The following PTPN13 variants were observed in gnomAD, a reference collection of about 807,000 sequenced individuals.
PTPN13 encodes protein tyrosine phosphatase non-receptor type 13, also known as tyrosine-protein phosphatase non-receptor type 13.
Under a neutral mutation model 284.0 loss-of-function variants are expected in PTPN13, and 191 were observed. The ratio of observed to expected loss-of-function variants is 0.67; its 90% confidence interval spans 0.60 to 0.76. The LOEUF (loss-of-function observed/expected upper bound fraction) is 0.76. PTPN13 is among the 30% of genes least tolerant of loss of function. The pLI is 0.00. For synonymous variants in PTPN13, 986 were observed against 1,022.3 expected (o/e 0.96, Z 0.68); for missense variants, 2,797 against 2,939.9 (o/e 0.95, Z 1.12).
chr4:86,742,349 GT>G (rs1736257223), intron 16 of PTPN13, among the ~76,000 whole-genome samples: 1 of 152,170 alleles, frequency 6.6e-6, no homozygotes, highest in African/African-American at 2.4e-5. Flanking sequence ...AAAATAATAT[GT>G]TTATGGAAGA....
chr4:86,761,901 T>C (rs1280923881), intron 23 of PTPN13, among the ~76,000 whole-genome samples: 1 of 152,230 alleles, frequency 6.6e-6, no homozygotes, highest in South Asian at 2.1e-4. Flanking sequence ...TAATTTCATA[T>C]AAATTCTCAT....
In PTPN13 at chr4:86,809,954, G is replaced by T. The variant is rs1745051747; in HGVS notation, c.7269G>T (p.Val2423=). The part of the protein sequence containing the change: ...GRSGTLICID[V]VLGLISQDLD... ...CAGGGACCCTGATTTGCATAGATGT[G>T]GTTCTGGGATTAATCAGTCAGGATC... Residue 2423 remains valine (V), a synonymous_variant, in exon 46 of 48, where the codon GTG becomes GTT. Coordinates refer to ENST00000411767, the MANE Select transcript of PTPN13 (RefSeq NM_080683.3). 1 of 1,613,938 alleles carries T rather than the reference G, an allele frequency of 6.2e-7. No individual in the cohort carries two copies. The highest frequency in any genetic ancestry group is 8.5e-7 in the Non-Finnish European group (1 of 1,179,866).
intron 4 of PTPN13, 96 bp downstream of exon 4, chr4:86,686,871 C>T: frequency 1.2e-6 from 1 of 845,834 alleles, no homozygotes; most frequent in South Asian, 1.6e-5. Flanking sequence ...TGTTCTACAG[C>T]ATGCTGTCAG....
At chr4:86,711,127 G>T (rs1343440082) in intron 7 of PTPN13, among the ~76,000 whole-genome samples, 1 of 91,618 alleles carries the variant, frequency 1.1e-5, no homozygotes, top group Non-Finnish European at 2.5e-5. Flanking sequence ...TGGAGAGATG[G>T]GGTTTCACCA....
At position 86,596,494 on chromosome 4, in the gene PTPN13, TTTG is replaced by T. The variant is rs140941765; in HGVS notation, c.-6+1714_-6+1716del. On this transcript the variant is annotated intron_variant, in intron 1 of 47. Transcript: ENST00000411767. ...CACGTTATAAAACTTAGGTCATCTT[TTTG>T]TTGTTGTTTTTGAGGGCTGCCTCCT... 1.7e-3 allele frequency among the ~76,000 whole-genome samples: 262 copies of T among 152,314 alleles called. 4 individuals carry two copies. The East Asian group carries it at 0.037, about 21-fold the overall frequency.
intron 35 of PTPN13, 107 bp from the exon 36 acceptor site, chr4:86,780,295 G>A (rs1351300672): frequency 2.3e-6 from 2 of 867,176 alleles, no homozygotes; most frequent in African/African-American, 3.4e-5. Flanking sequence ...AGCTCCTTGG[G>A]AGGCTGAGGT....
At chr4:86,809,698 A>G (rs1270816650) in intron 45 of PTPN13, 71 bp from the exon 46 acceptor site, 1 of 1,411,648 alleles carries the variant, frequency 7.1e-7, no homozygotes, top group African/African-American at 1.4e-5. Flanking sequence ...CTCAAGAAAG[A>G]AAAAAAAGAA....
In PTPN13 at chr4:86,669,052, G is replaced by A. The variant is rs573378626; in HGVS notation, c.116-3313G>A. ...TGACCCACATGCCTTTGCTTTGGCCGTTTCTTCTTTTTTGAATCCTAACCT... is the reference window on the plus strand; with the variant it reads ...TGACCCACATGCCTTTGCTTTGGCCATTTCTTCTTTTTTGAATCCTAACCT... On this transcript the variant is annotated intron_variant, in intron 2 of 47. Transcript: ENST00000411767. Among the ~76,000 whole-genome samples the A allele has an allele frequency of 3.0e-4, 45 of 151,436 alleles. 1 individual carries two copies. In the East Asian group the frequency reaches 7.4e-3, roughly 25 times the overall value.
intron 41 of PTPN13, among the ~76,000 whole-genome samples, chr4:86,797,921 G>A (rs933702103): frequency 5.3e-5 from 8 of 151,956 alleles, no homozygotes; most frequent in Non-Finnish European, 8.8e-5. Context: ...AAAAAATAGA[G>A]TTAAAAGATA....
rs367999169 is a variant in PTPN13 at position 86,669,751 on chromosome 4, G to A, written c.116-2614G>A. Among the ~76,000 whole-genome samples, 10 of 152,072 alleles carry A rather than the reference G, an allele frequency of 6.6e-5. No homozygotes were observed. The East Asian group carries it at 1.7e-3, about 26-fold the overall frequency. On this transcript the variant is annotated intron_variant, in intron 2 of 47. Transcript: ENST00000411767. ...ATCCACAGTGACAGGACAGGGACAG[G>A]GCATAGCATTTAGGCTTCTAGGTGG...
At chr4:86,800,097 CA>C (rs988727708) in intron 42 of PTPN13, among the ~76,000 whole-genome samples, 15 of 152,022 alleles carry the variant, frequency 9.9e-5, no homozygotes, top group African/African-American at 3.4e-4. Flanking sequence ...CTCGGCCTCC[CA>C]AAGTGCTGGG....
intron 14 of PTPN13, 31 bp from the exon 15 acceptor site, chr4:86,735,563 C>A: frequency 1.3e-6 from 2 of 1,598,272 alleles, no homozygotes; most frequent in Non-Finnish European, 1.7e-6. Context: ...AAAAGGCAAA[C>A]AATTGCTTAT....
chr4:86,636,734 C>T (rs1293063820), intron 2 of PTPN13, among the ~76,000 whole-genome samples: 2 of 151,652 alleles, frequency 1.3e-5, no homozygotes, highest in Non-Finnish European at 2.9e-5. Flanking sequence ...AGGAAAGATC[C>T]AAAATTGACA....
At chr4:86,765,241 T>A (rs1242734323) in intron 25 of PTPN13, among the ~76,000 whole-genome samples, 154 bp from the exon 26 acceptor site, 1 of 152,220 alleles carries the variant, frequency 6.6e-6, no homozygotes, top group African/African-American at 2.4e-5. Context: ...GAATATAATA[T>A]CCCTCATTAG....
At chr4:86,756,612 T>A (rs1040622712) in intron 20 of PTPN13, among the ~76,000 whole-genome samples, 1 of 152,118 alleles carries the variant, frequency 6.6e-6, no homozygotes, top group Admixed American at 6.6e-5. Flanking sequence ...CAAAACAGTA[T>A]TGAGATACAA....
chr4:86,601,382 A>G (rs1212942918), intron 1 of PTPN13, among the ~76,000 whole-genome samples: 1 of 152,118 alleles, frequency 6.6e-6, no homozygotes, highest in Non-Finnish European at 1.5e-5. Flanking sequence ...GTGTTATTAC[A>G]TAGTACCCAG....
At chr4:86,758,537 A>G (rs1394236321) in intron 21 of PTPN13, 141 bp from the exon 22 acceptor site, 1 of 932,980 alleles carries the variant, frequency 1.1e-6, no homozygotes, top group Admixed American at 2.7e-5. Flanking sequence ...CCTACAAGAA[A>G]TACTTCCACA....
chr4:86,724,440 G>T (rs1046376877), intron 10 of PTPN13, among the ~76,000 whole-genome samples: 8 of 152,116 alleles, frequency 5.3e-5, no homozygotes, highest in Admixed American at 5.2e-4. Context: ...ATTATAGATC[G>T]TACCTTTATA....
At chr4:86,786,016 A>T in intron 40 of PTPN13, 80 bp downstream of exon 40, 7 of 709,174 alleles carry the variant, frequency 9.9e-6, no homozygotes, top group African/African-American at 1.8e-5. Flanking sequence ...AAATAATCAG[A>T]GATTCTTTCC....
Sources: allele counts gnomAD v4.1 joint callset (sites outside exome capture counted in the v4.1 genomes callset), GRCh38; gene constraint gnomAD v4.1.1; transcripts MANE v1.5; gene names NCBI Gene and HGNC (gene_info 2026-07-23, HGNC 2026-07-21).